Variants in GLCCI1 observed in about 807,000 individuals in gnomAD.
GLCCI1 encodes the protein glucocorticoid-induced transcript 1 protein.
In GLCCI1, 24 loss-of-function variants were observed where a neutral mutation model predicts 52.2. That is an observed-to-expected ratio of 0.46 (90% CI 0.33 to 0.65). The LOEUF (loss-of-function observed/expected upper bound fraction) is 0.65. Among genes scored for constraint, GLCCI1 ranks in the 30% least tolerant of loss-of-function variants. GLCCI1 has a pLI of 0.02. For missense variants in GLCCI1, 704 were observed against 701.5 expected, an observed-to-expected ratio of 1.00 and a Z score of -0.04; for synonymous variants, 310 against 276.5, an observed-to-expected ratio of 1.12 and a Z score of -1.20.
At chr7:8,025,142 G>C (rs1781586047) in intron 3 of GLCCI1, among the ~76,000 whole-genome samples, 1 of 152,190 alleles carries the variant, frequency 6.6e-6, no homozygotes, top group Non-Finnish European at 1.5e-5. Context: ...CCCAGGTTGA[G>C]TGGAGGCTGT....
At chr7:8,048,944 A>G (rs1782195820) in intron 3 of GLCCI1, among the ~76,000 whole-genome samples, 1 of 152,200 alleles carries the variant, frequency 6.6e-6, no homozygotes, top group South Asian at 2.1e-4. Context: ...CCCAGAGGGA[A>G]CGTAAGTAGA....
In GLCCI1 at chr7:7,969,827, C is replaced by A; in HGVS notation, c.457+20C>A. ...GCAGAGGTAGCGAGCCCAACCCTCC[C>A]GTCCTCCCGGGCTGCGTCTCCCCGA... On this transcript the variant is annotated intron_variant, in intron 1 of 7. Coordinates refer to ENST00000223145, the MANE Select transcript of GLCCI1 (RefSeq NM_138426.4). The surrounding 1 kb of genome is among the most constrained non-coding windows in gnomAD (Gnocchi z 4.9). 7.0e-7 allele frequency: 1 copy of A among 1,425,454 alleles called. No homozygotes were observed. Among genetic ancestry groups the A allele is most frequent in the Non-Finnish European group, 9.2e-7 (1 of 1,087,720 alleles). The allele number at this position is 1,425,454 out of a possible 1,614,324, so 88.3% of individuals were successfully genotyped here.
chr7:7,990,142 C>T (rs924194292), intron 1 of GLCCI1, among the ~76,000 whole-genome samples: 1 of 152,064 alleles, frequency 6.6e-6, no homozygotes, highest in African/African-American at 2.4e-5. Context: ...AGGTATTATT[C>T]AGTTTTGTAT....
chr7:8,007,155 G>A (rs1015935070), intron 2 of GLCCI1, among the ~76,000 whole-genome samples: 1 of 152,132 alleles, frequency 6.6e-6, no homozygotes, highest in Admixed American at 6.5e-5. Context: ...TGTCTGGCTT[G>A]CATCTATCTG....
At chr7:8,033,172 G>A (rs1415653599) in intron 3 of GLCCI1, among the ~76,000 whole-genome samples, 1 of 151,500 alleles carries the variant, frequency 6.6e-6, no homozygotes, top group Non-Finnish European at 1.5e-5. Context: ...CCTAAGTAGA[G>A]TCAGATGAAA....
chr7:8,071,202 A>C, intron 6 of GLCCI1, 71 bp downstream of exon 6: 1 of 1,210,638 alleles, frequency 8.3e-7, no homozygotes, highest in South Asian at 1.4e-5. Context: ...TTAGACCATT[A>C]CATCTTTTTT....
chr7:7,997,155 A>G (rs1472359368), intron 1 of GLCCI1, among the ~76,000 whole-genome samples: 2 of 152,236 alleles, frequency 1.3e-5, no homozygotes, highest in Non-Finnish European at 2.9e-5. Context: ...TTGGGTAGAA[A>G]AACATACCAG....
At chr7:8,033,570 C>T (rs1194325850) in intron 3 of GLCCI1, among the ~76,000 whole-genome samples, 1 of 151,980 alleles carries the variant, frequency 6.6e-6, no homozygotes, top group Non-Finnish European at 1.5e-5. Context: ...ATGAGATCAA[C>T]ATACAGAGAT....
At chr7:8,078,345 C>A (rs192295804) in intron 6 of GLCCI1, among the ~76,000 whole-genome samples, 1 of 151,924 alleles carries the variant, frequency 6.6e-6, no homozygotes, top group African/African-American at 2.4e-5. Flanking sequence ...CTATAACTCA[C>A]GTTGACACAG....
Position 7,990,464 on chromosome 7 carries a change from G to A in GLCCI1, c.458-13444G>A, listed in dbSNP as rs75434409. Among the ~76,000 whole-genome samples, 760 of 152,086 alleles carry A rather than the reference G, an allele frequency of 5.0e-3. 14 individuals carry two copies. Among genetic ancestry groups the A allele is most frequent in the East Asian group, 0.04 (206 of 5,180 alleles). On this transcript the variant is annotated intron_variant, in intron 1 of 7. Transcript: ENST00000223145. Reference sequence around the variant, plus strand: ...ATAATGCTATCCTCCAATATGTTATGACACTTTGCCCTACACTTGTTTATG... The same window carrying A: ...ATAATGCTATCCTCCAATATGTTATAACACTTTGCCCTACACTTGTTTATG...
At chr7:8,046,264 A>T (rs1287254282) in intron 3 of GLCCI1, among the ~76,000 whole-genome samples, 1 of 152,226 alleles carries the variant, frequency 6.6e-6, no homozygotes, top group East Asian at 1.9e-4. Flanking sequence ...CATGGAAGAT[A>T]TAAACCAAAA....
At chr7:7,993,211 G>A (rs1447537780) in intron 1 of GLCCI1, among the ~76,000 whole-genome samples, 5 of 151,878 alleles carry the variant, frequency 3.3e-5, no homozygotes, top group Non-Finnish European at 5.9e-5. Context: ...CTTTTAAATA[G>A]GGTGGATAGT....
At chr7:8,066,346 C>T (rs577169438) in intron 5 of GLCCI1, among the ~76,000 whole-genome samples, 69 of 152,004 alleles carry the variant, frequency 4.5e-4, no homozygotes, top group African/African-American at 7.7e-4. Flanking sequence ...TGCAGGGATT[C>T]GTTAATCTTT....
chr7:7,975,620 G>A (rs1780447652), intron 1 of GLCCI1, among the ~76,000 whole-genome samples: 1 of 152,124 alleles, frequency 6.6e-6, no homozygotes. Context: ...TGTTTCCATG[G>A]CACTATTACG....
chr7:8,053,315 G>GTTTTTTT (rs71014751), intron 3 of GLCCI1, among the ~76,000 whole-genome samples: 6 of 129,980 alleles, frequency 4.6e-5, no homozygotes, highest in African/African-American at 1.7e-4. Context: ...TTTTGTTTTC[G>GTTTTTTT]TTTTTTTTTT....
At chr7:8,043,945 ATTT>A (rs35175770) in intron 3 of GLCCI1, among the ~76,000 whole-genome samples, 32 of 139,178 alleles carry the variant, frequency 2.3e-4, no homozygotes, top group Admixed American at 3.5e-4. Context: ...GAAGCACTAA[ATTT>A]TTTTTTTTTT....
intron 1 of GLCCI1, among the ~76,000 whole-genome samples, chr7:8,001,363 G>A (rs1023870371): frequency 5.9e-5 from 9 of 152,028 alleles, no homozygotes; most frequent in South Asian, 2.1e-4. Context: ...GTTGAATATC[G>A]GCCCCCACTC....
chr7:8,042,803 G>C (rs915248937), intron 3 of GLCCI1, among the ~76,000 whole-genome samples: 25 of 152,208 alleles, frequency 1.6e-4, no homozygotes, highest in Admixed American at 7.2e-4. Flanking sequence ...GATAACAAAA[G>C]ATTTAGAATA....
intron 3 of GLCCI1, among the ~76,000 whole-genome samples, chr7:8,035,769 T>G (rs910964575): frequency 2.0e-5 from 3 of 152,076 alleles, no homozygotes; most frequent in African/African-American, 7.2e-5. Context: ...CTAACAGGGG[T>G]GTGACAGGGA....
Sources: gnomAD v4.1 joint callset for allele counts (sites outside exome capture counted in the v4.1 genomes callset) on GRCh38, gnomAD v4.1.1 for gene constraint, Gnocchi (gnomAD v3.1) non-coding constraint, MANE v1.5 for transcripts, NCBI Gene and HGNC (gene_info 2026-07-23, HGNC 2026-07-21) for gene names.